DCDC1: variants seen among roughly 807,000 people sequenced by gnomAD.
DCDC1 encodes the protein doublecortin domain-containing protein 1.
DCDC1 carries 200 observed loss-of-function variants against 178.3 expected under a neutral mutation model. That is an observed-to-expected ratio of 1.12 (90% CI 1.00 to 1.26). DCDC1 has a LOEUF of 1.26. Among genes scored for constraint, DCDC1 ranks in the 50% most tolerant of loss-of-function variants. The pLI is 0.00. For missense variants in DCDC1, 1,983 were observed against 1,749.2 expected (o/e 1.13, Z -2.38); for synonymous variants, 690 against 604.8 (o/e 1.14, Z -2.07).
At chr11:31,066,275 A>T (rs753365658) in intron 18 of DCDC1, among the ~76,000 whole-genome samples, 7 of 152,186 alleles carry the variant, frequency 4.6e-5, no homozygotes, top group Non-Finnish European at 8.8e-5. Flanking sequence ...CATAACAATA[A>T]ATTTGCATTT....
At chr11:31,029,380 T>C (rs960325322) in intron 20 of DCDC1, among the ~76,000 whole-genome samples, 3 of 152,088 alleles carry the variant, frequency 2.0e-5, no homozygotes, top group African/African-American at 7.2e-5. Flanking sequence ...GCTTAAAATG[T>C]TCTGTTTCTG....
chr11:31,029,088 A>G (rs1397422782), intron 20 of DCDC1, among the ~76,000 whole-genome samples: 1 of 152,064 alleles, frequency 6.6e-6, no homozygotes, highest in African/African-American at 2.4e-5. Context: ...GGAAATTTGG[A>G]TTCTTTTCCT....
intron 38 of DCDC1, among the ~76,000 whole-genome samples, chr11:30,871,246 G>T (rs185966413): frequency 6.6e-6 from 1 of 152,162 alleles, no homozygotes; most frequent in African/African-American, 2.4e-5. Context: ...AGAGCCCTCG[G>T]ATAAGTAGAA....
chr11:31,030,924 C>T (rs1474172857), intron 20 of DCDC1, among the ~76,000 whole-genome samples: 3 of 151,630 alleles, frequency 2.0e-5, no homozygotes, highest in Non-Finnish European at 4.4e-5. Context: ...GGAAACCACA[C>T]TTATACCCAG....
chr11:31,184,456 A>G (rs771335280), intron 9 of DCDC1, among the ~76,000 whole-genome samples: 5 of 152,208 alleles, frequency 3.3e-5, no homozygotes, highest in Non-Finnish European at 7.3e-5. Flanking sequence ...ATTAAACTAA[A>G]GAGCTTCTGC....
At chr11:30,898,043 C>A (rs186480392) in intron 34 of DCDC1, among the ~76,000 whole-genome samples, 9 of 151,884 alleles carry the variant, frequency 5.9e-5, no homozygotes, top group Admixed American at 5.2e-4. Flanking sequence ...TAAAATGTGC[C>A]GAAAGCTCAG....
At chr11:31,021,520 G>A (rs974192846) in intron 20 of DCDC1, among the ~76,000 whole-genome samples, 4 of 152,166 alleles carry the variant, frequency 2.6e-5, no homozygotes, top group Non-Finnish European at 2.9e-5. Context: ...GGAATGAATG[G>A]GAATGCTTTC....
chr11:31,356,651 G>T (rs1457685036), intron 1 of DCDC1, among the ~76,000 whole-genome samples: 26 of 150,558 alleles, frequency 1.7e-4, no homozygotes, highest in Middle Eastern at 3.2e-3. Flanking sequence ...TCCAGGAGCT[G>T]GTTTTTTGAA....
chr11:30,921,046 C>G lies in DCDC1; in HGVS notation c.3134-111G>C. The G allele has an allele frequency of 5.2e-6, 6 of 1,153,026 alleles. 1 individual carries two copies. The South Asian group carries it at 8.2e-5, about 16-fold the overall frequency. 71.4% of individuals were successfully genotyped at this position (1,153,026 alleles called of 1,614,324 possible). A position where few individuals can be genotyped will look rare whatever the true frequency, so the allele number is the denominator to read the frequency against. On this transcript the variant is annotated intron_variant, in intron 24 of 38. Coordinates refer to ENST00000684477, the MANE Select transcript of DCDC1 (RefSeq NM_001387274.1). ...TGCAAAATAATTCCATCTATTTGGT[C>G]TATTCATAGGTTACTTATTAAACTC...
intron 9 of DCDC1, among the ~76,000 whole-genome samples, chr11:31,146,154 C>T (rs1964428827): frequency 6.7e-6 from 1 of 150,226 alleles, no homozygotes; most frequent in Admixed American, 6.7e-5. Flanking sequence ...CTCACTGCAA[C>T]CTCCGCCTCC....
chr11:31,170,675 A>G (rs1316343541), intron 9 of DCDC1, among the ~76,000 whole-genome samples: 1 of 152,228 alleles, frequency 6.6e-6, no homozygotes, highest in Non-Finnish European at 1.5e-5. Flanking sequence ...ATCATAGCAT[A>G]GTACTACATA....
chr11:31,229,497 AG>A (rs1321555438), intron 9 of DCDC1, among the ~76,000 whole-genome samples: 3 of 152,212 alleles, frequency 2.0e-5, no homozygotes, highest in Non-Finnish European at 4.4e-5. Context: ...CTATATTAAC[AG>A]TAAAAATATG....
chr11:31,265,419 G>A, intron 8 of DCDC1, 88 bp downstream of exon 8: 1 of 601,464 alleles, frequency 1.7e-6, no homozygotes, highest in South Asian at 4.8e-5. Flanking sequence ...TTTATTATAT[G>A]TTTTTCTTTT....
chr11:30,995,812 T>G (rs1951232427), intron 20 of DCDC1, among the ~76,000 whole-genome samples: 1 of 152,054 alleles, frequency 6.6e-6, no homozygotes, highest in Non-Finnish European at 1.5e-5. Flanking sequence ...TGGCAAAATA[T>G]AAAACTCTTA....
chr11:31,056,418 T>C (rs957189036), intron 20 of DCDC1, among the ~76,000 whole-genome samples: 25 of 152,188 alleles, frequency 1.6e-4, no homozygotes, highest in Middle Eastern at 3.4e-3. Flanking sequence ...ATTGTAATAC[T>C]GCACTAAAAA....
intron 3 of DCDC1, among the ~76,000 whole-genome samples, chr11:31,327,576 A>G (rs982594632): frequency 6.6e-6 from 1 of 152,146 alleles, no homozygotes; most frequent in Non-Finnish European, 1.5e-5. Context: ...TATCATTATG[A>G]TACCTGTTCA....
chr11:31,340,143 G>A (rs1412130004), intron 1 of DCDC1, among the ~76,000 whole-genome samples: 5 of 152,084 alleles, frequency 3.3e-5, no homozygotes, highest in Non-Finnish European at 5.9e-5. Context: ...CCTTTACCCA[G>A]GGATGATACA....
At chr11:30,935,838 C>T (rs1020835298) in intron 21 of DCDC1, among the ~76,000 whole-genome samples, 1 of 152,206 alleles carries the variant, frequency 6.6e-6, no homozygotes, top group Non-Finnish European at 1.5e-5. Context: ...AGGCATAAGC[C>T]ACTGTGCCTG....
chr11:30,880,426 T>C (rs960253429), intron 37 of DCDC1, among the ~76,000 whole-genome samples: 27 of 152,200 alleles, frequency 1.8e-4, no homozygotes, highest in Admixed American at 5.2e-4. Context: ...AAGTTTTTGG[T>C]TTGCCTACAT....
Sources: gnomAD v4.1 joint callset for allele counts (sites outside exome capture counted in the v4.1 genomes callset) on GRCh38, gnomAD v4.1.1 for gene constraint, MANE v1.5 for transcripts, NCBI Gene and HGNC (gene_info 2026-07-23, HGNC 2026-07-21) for gene names.